TACC2: variants seen among roughly 807,000 people sequenced by gnomAD.
The protein encoded by TACC2 is transforming acidic coiled-coil-containing protein 2.
A neutral mutation model predicts 227.3 loss-of-function variants in TACC2; 137 were observed. The observed-to-expected ratio is 0.60, with a 90% CI of 0.52 to 0.69. The LOEUF is 0.69. TACC2 is among the 30% of genes least tolerant of loss of function. TACC2 has a pLI of 0.00. For missense variants in TACC2, 3,470 were observed against 3,694.4 expected (o/e 0.94, Z 1.57); for synonymous variants, 1,523 against 1,487.5 (o/e 1.02, Z -0.55).
chr10:122,250,786 G>A (rs1045107962), intron 22 of TACC2, among the ~76,000 whole-genome samples: 1 of 152,058 alleles, frequency 6.6e-6, no homozygotes. Context: ...AGCCTGTATC[G>A]TTGGGCAGAT....
intron 5 of TACC2, among the ~76,000 whole-genome samples, chr10:122,102,104 G>C (rs112451762): frequency 2.0e-5 from 3 of 151,934 alleles, no homozygotes; most frequent in East Asian, 1.9e-4. Context: ...TTCACCCGTC[G>C]GTTTGGGCAG....
chr10:122,109,397 C>T (rs777038667), intron 5 of TACC2, among the ~76,000 whole-genome samples: 4 of 152,156 alleles, frequency 2.6e-5, no homozygotes, highest in Non-Finnish European at 4.4e-5. Flanking sequence ...CCTTTCCTGA[C>T]GTACTGAATC....
intron 7 of TACC2, among the ~76,000 whole-genome samples, chr10:122,147,744 T>C (rs1201506790): frequency 6.6e-6 from 1 of 152,234 alleles, no homozygotes; most frequent in South Asian, 2.1e-4. Flanking sequence ...CCTTGGGCTT[T>C]CTTTTAAGAG....
chr10:122,156,430 T>C (rs2092481491), intron 7 of TACC2, among the ~76,000 whole-genome samples: 1 of 151,820 alleles, frequency 6.6e-6, no homozygotes, highest in East Asian at 2.0e-4. Context: ...TTCACCGTGT[T>C]AGCCAGGATG....
chr10:122,250,529 C>T (rs1310449507), intron 22 of TACC2, among the ~76,000 whole-genome samples: 4 of 152,186 alleles, frequency 2.6e-5, no homozygotes, highest in Non-Finnish European at 5.9e-5. Context: ...CCAGCCAGCC[C>T]CAGGGGATTG....
chr10:122,140,803 C>T (rs987925360), intron 6 of TACC2, among the ~76,000 whole-genome samples: 3 of 152,210 alleles, frequency 2.0e-5, no homozygotes, highest in Non-Finnish European at 2.9e-5. Context: ...CCTGCTTACT[C>T]GCTTTGCTTG....
chr10:122,017,468 A>C (rs568535609), intron 1 of TACC2, among the ~76,000 whole-genome samples: 3 of 146,018 alleles, frequency 2.1e-5, no homozygotes, highest in African/African-American at 7.4e-5. Flanking sequence ...ACTTGCCGCC[A>C]TTCCCAATTG....
intron 8 of TACC2, among the ~76,000 whole-genome samples, chr10:122,207,234 G>A (rs1018126919): frequency 2.0e-5 from 3 of 151,892 alleles, no homozygotes; most frequent in Admixed American, 1.3e-4. Flanking sequence ...GAGAGGTGGA[G>A]GTTGTAGTGA....
At chr10:122,174,578 T>G (rs144747400) in intron 7 of TACC2, among the ~76,000 whole-genome samples, 1 of 152,320 alleles carries the variant, frequency 6.6e-6, no homozygotes, top group African/African-American at 2.4e-5. Flanking sequence ...CATAAAACGT[T>G]CGTGAAACAC....
Position 122,087,005 on chromosome 10 carries a change from G to A in TACC2, c.4505G>A (p.Gly1502Glu). ...PASDKLLGPA[G>E]LTWERNLPGA... is the part of the protein sequence containing the mutation. ...TCAGACAAGCTTCTGGGTCCAGCAGGGCTGACCTGGGAGCGGAACTTGCCA... is the reference window on the plus strand; with the variant it reads ...TCAGACAAGCTTCTGGGTCCAGCAGAGCTGACCTGGGAGCGGAACTTGCCA... Residue 1502 changes from glycine to glutamate, a missense_variant, in exon 4 of 23, where the codon GGG (glycine) becomes GAG (glutamate). By Grantham distance (98) the Gly-to-Glu change is moderately conservative. Around this residue, in one of 10 missense-constraint regions of TACC2, gnomAD observed 1,924 missense variants for 1,978.3 expected, o/e 0.97. Transcript: ENST00000369005. The A allele has an allele frequency of 6.2e-7, 1 of 1,613,926 alleles. No homozygotes were observed. The highest frequency in any genetic ancestry group is 8.5e-7 in the Non-Finnish European group (1 of 1,180,038).
intron 6 of TACC2, among the ~76,000 whole-genome samples, chr10:122,134,772 C>T (rs1046689808): frequency 6.6e-5 from 10 of 152,294 alleles, no homozygotes; most frequent in South Asian, 4.1e-4. Context: ...ATCTTACAGT[C>T]GGGGGATGCG....
In TACC2 at chr10:122,087,464, C is replaced by A; in HGVS notation, c.4964C>A (p.Thr1655Lys). ...AACAGTGAGCCCTGGACCCTTGACA[C>A]GCTTGGGGGTGAAAGGAGACCCGGA... Reference protein sequence around the residue: ...EANSEPWTLDTLGGERRPGVT... With the variant: ...EANSEPWTLDKLGGERRPGVT... Residue 1655 changes from threonine to lysine, a missense_variant, in exon 4 of 23, where the codon ACG (threonine) becomes AAG (lysine). By Grantham distance (78) the Thr-to-Lys change is moderately conservative. Transcript: ENST00000369005. 6.2e-7 allele frequency: 1 copy of A among 1,614,056 alleles called. No homozygotes were observed. The highest frequency in any genetic ancestry group is 8.5e-7 in the Non-Finnish European group (1 of 1,180,042).
At chr10:122,175,332 C>T (rs2093649045) in intron 7 of TACC2, among the ~76,000 whole-genome samples, 2 of 152,180 alleles carry the variant, frequency 1.3e-5, no homozygotes, top group Non-Finnish European at 2.9e-5. Flanking sequence ...GAAAAGGATA[C>T]ATTAGTTAAT....
At chr10:122,227,708 G>T (rs2095656388) in intron 13 of TACC2, 129 bp from the exon 14 acceptor site, 1 of 1,038,776 alleles carries the variant, frequency 9.6e-7, no homozygotes, top group East Asian at 2.4e-5. Flanking sequence ...ATGGCCACTG[G>T]AGACCTGGCT....
rs942294285 is a variant in TACC2 at position 122,009,391 on chromosome 10, C to T, written c.-45-12546C>T. ...TGGTGGTGCATGCCTGTAATCTCAG[C>T]TACTCGGGAGGCTGAGGCAGGAGAA... On this transcript the variant is annotated intron_variant, in intron 1 of 22. Coordinates refer to ENST00000369005, the MANE Select transcript of TACC2 (RefSeq NM_206862.4). Among the ~76,000 whole-genome samples, 3 of 152,228 alleles carry T rather than the reference C, an allele frequency of 2.0e-5. No homozygotes were observed. The East Asian group carries it at 5.8e-4, about 29-fold the overall frequency.
intron 2 of TACC2, chr10:122,033,293 C>T (rs1047323717): frequency 2.0e-5 from 9 of 448,214 alleles, no homozygotes; most frequent in Non-Finnish European, 3.7e-5. Flanking sequence ...TTCTTCCATC[C>T]ACCCCAAATA....
intron 5 of TACC2, among the ~76,000 whole-genome samples, chr10:122,105,100 C>T (rs191362036): frequency 1.5e-4 from 23 of 152,304 alleles, no homozygotes; most frequent in African/African-American, 3.1e-4. Context: ...CCTAACAGGA[C>T]GCTCCGTGAT....
At chr10:122,213,805 C>G (rs917674453) in intron 9 of TACC2, among the ~76,000 whole-genome samples, 1 of 152,224 alleles carries the variant, frequency 6.6e-6, no homozygotes, top group African/African-American at 2.4e-5. Context: ...ACGGCCACAG[C>G]TTATTCTTGC....
chr10:122,215,865 C>T (rs1164657125), intron 10 of TACC2, among the ~76,000 whole-genome samples: 2 of 152,178 alleles, frequency 1.3e-5, no homozygotes, highest in African/African-American at 4.8e-5. Flanking sequence ...AAAAGGGAAG[C>T]CCCTCCCCTA....
Sources: gnomAD v4.1 joint callset for allele counts (sites outside exome capture counted in the v4.1 genomes callset) on GRCh38, gnomAD v4.1.1 for gene constraint, gnomAD v4.1.1 regional missense constraint, MANE v1.5 for transcripts, NCBI Gene and HGNC (gene_info 2026-07-23, HGNC 2026-07-21) for gene names.